The following COL20A1 variants were observed in gnomAD, a reference collection of about 807,000 sequenced individuals.
The protein encoded by COL20A1 is collagen type XX alpha 1 chain, also known as collagen alpha-1(XX) chain.
A neutral mutation model predicts 152.9 loss-of-function variants in COL20A1; 164 were observed. That is an observed-to-expected ratio of 1.07 (90% CI 0.94 to 1.22). COL20A1 has a LOEUF of 1.22. Ranked by LOEUF, COL20A1 falls within the 50% of genes most tolerant of loss-of-function variation. The probability of loss-of-function intolerance (pLI) is 0.00; values close to 1 mark genes in which losing one functional copy is unlikely to be tolerated. For missense variants in COL20A1, 1,873 were observed against 1,744.8 expected, an observed-to-expected ratio of 1.07 and a Z score of -1.31; for synonymous variants, 864 against 756.0, an observed-to-expected ratio of 1.14 and a Z score of -2.34.
intron 21 of COL20A1, 73 bp downstream of exon 21, chr20:63,316,764 G>T (rs1337928866): frequency 5.0e-6 from 7 of 1,400,866 alleles, no homozygotes; most frequent in Non-Finnish European, 6.6e-6. Flanking sequence ...GACATGGTGG[G>T]GGGGCGGGCA....
chr20:63,316,787 C>T, intron 21 of COL20A1, 96 bp downstream of exon 21: 2 of 1,253,494 alleles, frequency 1.6e-6, no homozygotes, highest in Non-Finnish European at 2.1e-6. Flanking sequence ...GGCCGGAGAC[C>T]TCCTGGAGGC....
intron 2 of COL20A1, among the ~76,000 whole-genome samples, chr20:63,295,414 G>C (rs1030750136): frequency 6.6e-6 from 1 of 152,282 alleles, no homozygotes; most frequent in African/African-American, 2.4e-5. Flanking sequence ...TTAGTTCTCT[G>C]TTATATTAAT....
chr20:63,315,583 TC>T lies in COL20A1; in HGVS notation c.2524+147del, dbSNP rs1328100212. 25 of 720,088 alleles carry T rather than the reference TC, an allele frequency of 3.5e-5. No individual in the cohort carries two copies. In the Admixed American group the frequency reaches 7.0e-4, roughly 20 times the overall value. 44.6% of individuals were successfully genotyped at this position (720,088 alleles called of 1,614,324 possible). On this transcript the variant is annotated intron_variant, in intron 20 of 35. Transcript: ENST00000358894. ...GGGCGGGTTTGTGCCTCCACAGACG[TC>T]CCTGTGGCTGGCTGGGCGGTGGTTA...
chr20:63,313,044 T>G lies in COL20A1; in HGVS notation c.2077-73T>G. 1 of 1,550,912 alleles carries G rather than the reference T, an allele frequency of 6.4e-7. No individual in the cohort carries two copies. Among genetic ancestry groups the G allele is most frequent in the South Asian group, 1.2e-5 (1 of 84,646 alleles). On this transcript the variant is annotated intron_variant, in intron 16 of 35. Transcript: ENST00000358894. This position sits in a 1 kb window ranked among gnomAD's most constrained non-coding sequence, Gnocchi z 5.9. ...GTGCGCCCACCCTGTCTCCCAGGGA[T>G]GCCTCACTGCCCGGCCCCCCAACCT... is the stretch of plus-strand genomic sequence containing the variant.
Position 63,295,240 on chromosome 20 carries a change from C to A in COL20A1, c.82+51C>A, listed in dbSNP as rs2067772224. On this transcript the variant is annotated intron_variant, in intron 2 of 35. Coordinates refer to ENST00000358894, the MANE Select transcript of COL20A1 (RefSeq NM_020882.4). ...GCTTGCCCCGAGGCCACGCCTGCCC[C>A]ACCAGTGCCCACGCGGGACGAGCCC... 2.1e-5 allele frequency: 26 copies of A among 1,233,090 alleles called. 1 individual carries two copies. In the South Asian group the frequency reaches 3.3e-4, roughly 16 times the overall value. The allele number at this position is 1,233,090 out of a possible 1,614,324, so 76.4% of individuals were successfully genotyped here.
intron 27 of COL20A1, 74 bp downstream of exon 27, chr20:63,322,185 A>G (rs2123426561): frequency 8.1e-7 from 1 of 1,236,102 alleles, no homozygotes. Flanking sequence ...CTCCCAGTGC[A>G]TTCCTGAGAG....
chr20:63,312,762 ACC>A (rs557394086), intron 15 of COL20A1, 28 bp from the exon 16 acceptor site: 2 of 1,512,844 alleles, frequency 1.3e-6, no homozygotes, highest in East Asian at 5.0e-5. Flanking sequence ...CAGGGGCTAC[ACC>A]CCCAGCCTGT....
At chr20:63,328,537 G>C (rs779846289) in intron 34 of COL20A1, 39 bp downstream of exon 34, 1 of 1,572,682 alleles carries the variant, frequency 6.4e-7, no homozygotes. Flanking sequence ...AGTTGTGGCC[G>C]GTGGGGGCGC....
chr20:63,322,175 C>T (rs2068174103), intron 27 of COL20A1, 64 bp downstream of exon 27: 6 of 1,282,280 alleles, frequency 4.7e-6, no homozygotes, highest in Middle Eastern at 1.8e-4. Flanking sequence ...GAGAACACCC[C>T]TCCCAGTGCA....
chr20:63,327,296 C>T (rs941121559), intron 31 of COL20A1: 1 of 175,856 alleles, frequency 5.7e-6, no homozygotes, highest in African/African-American at 2.4e-5. Context: ...CAGGGACTTC[C>T]CATTTGTTGT....
chr20:63,315,739 G>A (rs2068076281), intron 20 of COL20A1, among the ~76,000 whole-genome samples: 1 of 152,154 alleles, frequency 6.6e-6, no homozygotes, highest in Non-Finnish European at 1.5e-5. Context: ...CTGGAGCTGG[G>A]GGTTTCAAGT....
Position 63,314,148 on chromosome 20 carries a change from C to T in COL20A1, c.2435C>T (p.Ser812Leu), listed in dbSNP as rs751356717. 3.7e-6 allele frequency: 6 copies of T among 1,600,896 alleles called. No individual in the cohort carries two copies. The Admixed American group carries it at 8.6e-5, about 23-fold the overall frequency. The change falls in exon 19 of 36, where the codon TCA becomes TTA. Residue 812 changes from serine (S) to leucine (L), a missense_variant. Physicochemically the swap from Ser to Leu is moderately radical, Grantham distance 145 (BLOSUM62 -2). Transcript: ENST00000358894. ...QAATKYRVLV[S>L]AIYAAGRSEA... ...GCCACGAAGTACAGGGTCCTGGTCT[C>T]AGCTATCTATGCAGCAGGCAGGAGT...
chr20:63,309,863 C>T lies in COL20A1; in HGVS notation c.1211C>T (p.Pro404Leu). 6.2e-7 allele frequency: 1 copy of T among 1,611,890 alleles called. No individual in the cohort carries two copies. Among genetic ancestry groups the T allele is most frequent in the Non-Finnish European group, 8.5e-7 (1 of 1,179,498 alleles). ...TCCTGGACTCCAGCCCCCCGGCACC[C>T]CCTCAAGTATCTGATCGTTTGGCGA... The part of the protein sequence containing the change: ...RLSWTPAPRH[P>L]LKYLIVWRAS... The change falls in exon 10 of 36, where the codon CCC becomes CTC. Residue 404 changes from proline to leucine, a missense_variant. By Grantham distance (98) the Pro-to-Leu change is moderately conservative. Transcript: ENST00000358894.
intron 34 of COL20A1, 32 bp from the exon 35 acceptor site, chr20:63,329,553 T>C: frequency 6.3e-7 from 1 of 1,580,758 alleles, no homozygotes. Flanking sequence ...ACTGCATTGC[T>C]CCGTCCTCAC....
chr20:63,312,394 C>T, intron 14 of COL20A1, 26 bp from the exon 15 acceptor site: 2 of 1,536,744 alleles, frequency 1.3e-6, no homozygotes, highest in Non-Finnish European at 8.7e-7. Context: ...GCTGGGCCTG[C>T]CATGTCGCCC....
At position 63,319,467 on chromosome 20, in the gene COL20A1, C is replaced by T. The variant is rs1307685304; in HGVS notation, c.2807-20C>T. The stretch of plus-strand genomic sequence containing the variant: ...GCTGGTTGCAGCCCGTTCTCACCTG[C>T]TCCACCCCTTCCCTGGCAGCCGGGA... On this transcript the variant is annotated intron_variant, in intron 22 of 35. Transcript: ENST00000358894. The surrounding 1 kb of genome is among the most constrained non-coding windows in gnomAD (Gnocchi z 4.4). 25 of 1,541,006 alleles carry T rather than the reference C, an allele frequency of 1.6e-5. No homozygotes were observed. The highest frequency in any genetic ancestry group is 2.2e-5 in the Non-Finnish European group (25 of 1,137,056).
chr20:63,295,541 C>T (rs907875619), intron 2 of COL20A1, among the ~76,000 whole-genome samples: 1 of 152,160 alleles, frequency 6.6e-6, no homozygotes, highest in Admixed American at 6.5e-5. Context: ...CCGCCGCCTC[C>T]CACTGGTGTT....
intron 3 of COL20A1, among the ~76,000 whole-genome samples, chr20:63,298,383 C>T (rs1264921123): frequency 2.6e-5 from 4 of 152,252 alleles, no homozygotes; most frequent in East Asian, 1.9e-4. Flanking sequence ...CTCAATCTCC[C>T]GAGCTCAGGA....
In COL20A1 at chr20:63,307,505, G is replaced by A. The variant is rs1354470599; in HGVS notation, c.512G>A (p.Arg171His). The A allele has an allele frequency of 4.3e-6, 7 of 1,611,674 alleles. No individual in the cohort carries two copies. The highest frequency in any genetic ancestry group is 2.2e-5 in the East Asian group (1 of 44,872). ...ACCGCCCCAGCCGGCCCCCAGTTCC[G>A]CTGCCTGCCCCCCGTGCCTGCTGAC... is the stretch of plus-strand genomic sequence containing the variant. ...DPRTPAGPQF[R>H]CLPPVPADMV... The change falls in exon 6 of 36, where the codon CGC becomes CAC. Residue 171 changes from arginine to histidine, a missense_variant. Arg to His is a conservative substitution (Grantham distance 29, BLOSUM62 0). Transcript: ENST00000358894.
Sources: gnomAD v4.1 joint callset for allele counts (sites outside exome capture counted in the v4.1 genomes callset) on GRCh38, gnomAD v4.1.1 for gene constraint, Gnocchi (gnomAD v3.1) non-coding constraint, MANE v1.5 for transcripts, NCBI Gene and HGNC (gene_info 2026-07-23, HGNC 2026-07-21) for gene names.